Variants in SMCO4 observed in about 807,000 individuals in gnomAD.
SMCO4 encodes the protein single-pass membrane protein with coiled-coil domains 4, also known as single-pass membrane and coiled-coil domain-containing protein 4.
SMCO4 carries 4 observed loss-of-function variants against 3.6 expected under a neutral mutation model. That is an observed-to-expected ratio of 1.11 (90% CI 0.54 to 2.53). SMCO4 has a LOEUF of 2.53. Ranked by LOEUF, SMCO4 falls within the 30% of genes most tolerant of loss-of-function variation. The probability of loss-of-function intolerance (pLI) is 0.02; values close to 1 mark genes in which losing one functional copy is unlikely to be tolerated. For missense variants in SMCO4, 70 were observed against 80.8 expected (o/e 0.87, Z 0.51); for synonymous variants, 36 against 35.3 (o/e 1.02, Z -0.07).
Position 93,518,386 on chromosome 11 carries a change from C to T in SMCO4, c.-153-19038G>A, listed in dbSNP as rs201610732. ...GGACACCTGGCTGAGTTACTTCTACCTTTTGACTGTCGCTAATAGTGCTGC... is the reference window on the plus strand; with the variant it reads ...GGACACCTGGCTGAGTTACTTCTACTTTTTGACTGTCGCTAATAGTGCTGC... On this transcript the variant is annotated intron_variant, in intron 1 of 2. Coordinates refer to ENST00000298966, the MANE Select transcript of SMCO4 (RefSeq NM_020179.3). Among the ~76,000 whole-genome samples the T allele has an allele frequency of 2.4e-4, 37 of 152,270 alleles. No individual in the cohort carries two copies. In the East Asian group the frequency reaches 6.9e-3, roughly 29 times the overall value.
intron 1 of SMCO4, among the ~76,000 whole-genome samples, chr11:93,532,686 A>G (rs1300147516): frequency 1.3e-5 from 2 of 152,182 alleles, no homozygotes; most frequent in African/African-American, 4.8e-5. Context: ...GCAGAGACTG[A>G]AGCTATGCTC....
chr11:93,502,936 T>C (rs576277143), intron 1 of SMCO4, among the ~76,000 whole-genome samples: 4 of 152,238 alleles, frequency 2.6e-5, no homozygotes, highest in Non-Finnish European at 4.4e-5. Flanking sequence ...GTTCTGTATA[T>C]GTTAATCTTT....
chr11:93,532,363 T>C (rs890907193), intron 1 of SMCO4, among the ~76,000 whole-genome samples: 6 of 152,208 alleles, frequency 3.9e-5, no homozygotes, highest in Non-Finnish European at 8.8e-5. Flanking sequence ...GGCAACTGAG[T>C]AAGAAAGACT....
intron 1 of SMCO4, among the ~76,000 whole-genome samples, chr11:93,500,670 C>T (rs1948827372): frequency 6.6e-6 from 1 of 152,188 alleles, no homozygotes; most frequent in South Asian, 2.1e-4. Context: ...AGCATGTAGT[C>T]TAGTCCCCAT....
At chr11:93,541,564 G>A (rs951714156) in intron 1 of SMCO4, among the ~76,000 whole-genome samples, 2 of 152,116 alleles carry the variant, frequency 1.3e-5, no homozygotes, top group Non-Finnish European at 2.9e-5. Context: ...AAGCTTGAGC[G>A]TCCACTCCAA....
At chr11:93,514,419 T>A (rs12790758) in intron 1 of SMCO4, among the ~76,000 whole-genome samples, 486 of 42,420 alleles carry the variant, frequency 0.011, 14 homozygotes, top group South Asian at 0.035. Context: ...TATATATATA[T>A]ATAAAATTTG....
At chr11:93,508,989 A>G (rs1948933705) in intron 1 of SMCO4, among the ~76,000 whole-genome samples, 1 of 152,172 alleles carries the variant, frequency 6.6e-6, no homozygotes, top group Non-Finnish European at 1.5e-5. Flanking sequence ...ACAAGAGACA[A>G]CTATTAAAAA....
At chr11:93,523,069 G>A (rs1949073557) in intron 1 of SMCO4, among the ~76,000 whole-genome samples, 1 of 152,162 alleles carries the variant, frequency 6.6e-6, no homozygotes, top group South Asian at 2.1e-4. Flanking sequence ...ACTTGTCTAG[G>A]CTCAAACATA....
intron 1 of SMCO4, among the ~76,000 whole-genome samples, chr11:93,525,727 T>C (rs1374992013): frequency 2.0e-5 from 3 of 152,142 alleles, no homozygotes; most frequent in Non-Finnish European, 1.5e-5. Flanking sequence ...AGCCCAGTCA[T>C]ACTCAATTCA....
At chr11:93,508,854 A>G (rs1948932344) in intron 1 of SMCO4, among the ~76,000 whole-genome samples, 1 of 152,196 alleles carries the variant, frequency 6.6e-6, no homozygotes, top group Admixed American at 6.5e-5. Context: ...GAAAAGAAGG[A>G]GCAGGAAACA....
At chr11:93,540,032 CA>C (rs1949259353) in intron 1 of SMCO4, among the ~76,000 whole-genome samples, 1 of 151,830 alleles carries the variant, frequency 6.6e-6, no homozygotes, top group East Asian at 1.9e-4. Context: ...AACTTTCTAT[CA>C]AAGACCTGTC....
intron 1 of SMCO4, among the ~76,000 whole-genome samples, chr11:93,534,387 G>GAGAA (rs1317551374): frequency 2.7e-5 from 4 of 148,756 alleles, no homozygotes; most frequent in Admixed American, 6.7e-5. Context: ...GAGAGAGAGA[G>GAGAA]AGAGAGAGAT....
At chr11:93,488,300 G>A (rs1015047768) in intron 2 of SMCO4, among the ~76,000 whole-genome samples, 4 of 152,316 alleles carry the variant, frequency 2.6e-5, no homozygotes, top group Admixed American at 2.6e-4. Context: ...GAGCTGAGGG[G>A]TCACAGAGGG....
At chr11:93,507,133 G>A (rs566930949) in intron 1 of SMCO4, among the ~76,000 whole-genome samples, 7 of 152,292 alleles carry the variant, frequency 4.6e-5, no homozygotes, top group South Asian at 4.1e-4. Context: ...GGCCGGGTGC[G>A]GTGGCTCACG....
At chr11:93,481,535 A>G (rs2605596) in intron 2 of SMCO4, 499,685 of 984,694 alleles carry the variant, frequency 0.51, 129,395 homozygotes, top group East Asian at 0.95. Flanking sequence ...CACCTGGAAC[A>G]CACCCCAACG....
chr11:93,493,975 TC>T (rs1948748101), intron 2 of SMCO4, among the ~76,000 whole-genome samples: 1 of 152,184 alleles, frequency 6.6e-6, no homozygotes. Context: ...TACCCCTCTC[TC>T]CTTCCCCACA....
At chr11:93,501,253 GAGAA>G (rs1424622850) in intron 1 of SMCO4, among the ~76,000 whole-genome samples, 1 of 152,196 alleles carries the variant, frequency 6.6e-6, no homozygotes, top group Non-Finnish European at 1.5e-5. Context: ...CTAGCAATAT[GAGAA>G]AGAGAGAGCC....
rs1473006510 is a variant in SMCO4, at chr11:93,499,315, A to G, written c.-120T>C. On this transcript the variant is annotated 5_prime_UTR_variant, in exon 2 of 3. Coordinates refer to ENST00000298966, the MANE Select transcript of SMCO4 (RefSeq NM_020179.3). ...CAAGAATCGTTGATTAATTTCAGCA[A>G]ACTGATTTCCAGTACAGGTGACTTG... The G allele has an allele frequency of 1.3e-5, 2 of 152,216 alleles. No homozygotes were observed. Among genetic ancestry groups the G allele is most frequent in the Middle Eastern group, 3.2e-3 (1 of 316 alleles). The allele number at this position is 152,216 out of a possible 1,614,324, so 9.4% of individuals were successfully genotyped here. A position where few individuals can be genotyped will look rare whatever the true frequency, so the allele number is the denominator to read the frequency against.
chr11:93,516,449 A>C (rs1167071924), intron 1 of SMCO4, among the ~76,000 whole-genome samples: 5 of 152,236 alleles, frequency 3.3e-5, no homozygotes, highest in Admixed American at 3.3e-4. Context: ...CAATATATAA[A>C]AGGTGCTAAT....
Sources: allele counts gnomAD v4.1 joint callset (sites outside exome capture counted in the v4.1 genomes callset), GRCh38; gene constraint gnomAD v4.1.1; transcripts MANE v1.5; gene names NCBI Gene and HGNC (gene_info 2026-07-23, HGNC 2026-07-21).